VPS13B: variants seen among roughly 807,000 people sequenced by gnomAD.
VPS13B encodes vacuolar protein sorting 13 homolog B.
A neutral mutation model predicts 426.4 loss-of-function variants in VPS13B; 285 were observed. That is an observed-to-expected ratio of 0.67 (90% CI 0.61 to 0.74). VPS13B has a LOEUF of 0.74. VPS13B is among the 30% of genes least tolerant of loss of function. The probability of loss-of-function intolerance (pLI) is 0.00; values close to 1 mark genes in which losing one functional copy is unlikely to be tolerated. For synonymous variants in VPS13B, 1,676 were observed against 1,676.4 expected (o/e 1.00, Z 0.01); for missense variants, 4,537 against 4,782.6 (o/e 0.95, Z 1.51).
intron 39 of VPS13B, among the ~76,000 whole-genome samples, chr8:99,737,803 C>T (rs141370548): frequency 2.4e-4 from 36 of 152,314 alleles, no homozygotes; most frequent in African/African-American, 8.4e-4. Context: ...GCTAAAGCAG[C>T]TAAATCATAT....
chr8:99,075,183 C>T (rs570679298), intron 3 of VPS13B, among the ~76,000 whole-genome samples: 4 of 152,048 alleles, frequency 2.6e-5, no homozygotes, highest in East Asian at 1.9e-4. Context: ...ACTATTCTTG[C>T]GATGTTATAA....
chr8:99,208,565 T>C (rs780414119), intron 17 of VPS13B, among the ~76,000 whole-genome samples: 27 of 149,990 alleles, frequency 1.8e-4, no homozygotes, highest in South Asian at 2.1e-4. Flanking sequence ...AAATACTATG[T>C]TGATTTTACT....
intron 14 of VPS13B, among the ~76,000 whole-genome samples, chr8:99,155,210 A>T: frequency 6.6e-6 from 1 of 152,326 alleles, no homozygotes; most frequent in Non-Finnish European, 1.5e-5. Flanking sequence ...GAGATAAAGT[A>T]GATTTTAAGC....
intron 15 of VPS13B, among the ~76,000 whole-genome samples, chr8:99,158,840 G>A (rs1477300870): frequency 6.6e-6 from 1 of 152,152 alleles, no homozygotes; most frequent in Admixed American, 6.5e-5. Context: ...TTTCATGCCT[G>A]TTAACATGAC....
At chr8:99,313,924 G>A (rs1225192230) in intron 19 of VPS13B, among the ~76,000 whole-genome samples, 1 of 152,020 alleles carries the variant, frequency 6.6e-6, no homozygotes, top group African/African-American at 2.4e-5. Flanking sequence ...AGACTGCTGT[G>A]CTAGCAATGA....
At chr8:99,509,656 T>C (rs1407178440) in intron 28 of VPS13B, among the ~76,000 whole-genome samples, 1 of 152,098 alleles carries the variant, frequency 6.6e-6, no homozygotes, top group East Asian at 1.9e-4. Context: ...TTTCTGTTTA[T>C]GTGAATATAT....
intron 17 of VPS13B, among the ~76,000 whole-genome samples, chr8:99,236,001 G>A (rs963962431): frequency 6.6e-6 from 1 of 152,198 alleles, no homozygotes; most frequent in African/African-American, 2.4e-5. Flanking sequence ...ATCCGAATAA[G>A]TAATATAGGA....
chr8:99,198,684 G>T (rs755684508), intron 17 of VPS13B, among the ~76,000 whole-genome samples: 1 of 152,070 alleles, frequency 6.6e-6, no homozygotes, highest in African/African-American at 2.4e-5. Context: ...ATATTGAGGA[G>T]TTGAAGAAAT....
chr8:99,724,027 T>A (rs1833234472), intron 39 of VPS13B, among the ~76,000 whole-genome samples: 1 of 152,224 alleles, frequency 6.6e-6, no homozygotes, highest in Admixed American at 6.5e-5. Flanking sequence ...GAGCAGAGTT[T>A]GTCCCAGAGC....
At chr8:99,425,512 A>G (rs1198443371) in intron 21 of VPS13B, among the ~76,000 whole-genome samples, 1 of 152,208 alleles carries the variant, frequency 6.6e-6, no homozygotes, top group Non-Finnish European at 1.5e-5. Context: ...ACAAAATTCA[A>G]CAGCCCTTCA....
At chr8:99,259,269 G>A (rs1817920972) in intron 17 of VPS13B, among the ~76,000 whole-genome samples, 1 of 152,036 alleles carries the variant, frequency 6.6e-6, no homozygotes, top group Non-Finnish European at 1.5e-5. Context: ...TATCATGGAT[G>A]AAATCTTAGG....
intron 33 of VPS13B, among the ~76,000 whole-genome samples, chr8:99,624,007 ATT>A (rs1165382455): frequency 5.9e-5 from 6 of 101,102 alleles, no homozygotes; most frequent in Admixed American, 2.1e-4. Context: ...ATATATATAT[ATT>A]TTTTTTTTTT....
intron 39 of VPS13B, among the ~76,000 whole-genome samples, chr8:99,741,779 G>T (rs1452601853): frequency 6.6e-6 from 1 of 152,130 alleles, no homozygotes; most frequent in Non-Finnish European, 1.5e-5. Flanking sequence ...AAACCAATGA[G>T]AACAAAGACA....
At chr8:99,067,185 C>T (rs1844571179) in intron 3 of VPS13B, among the ~76,000 whole-genome samples, 1 of 152,132 alleles carries the variant, frequency 6.6e-6, no homozygotes, top group Non-Finnish European at 1.5e-5. Flanking sequence ...TATAAAGACA[C>T]ATGCACAGGT....
chr8:99,547,759 G>A lies in VPS13B; in HGVS notation c.4746-8691G>A, dbSNP rs187170508. 5.9e-5 allele frequency among the ~76,000 whole-genome samples: 9 copies of A among 152,124 alleles called. No homozygotes were observed. In the East Asian group the frequency reaches 1.5e-3, roughly 26 times the overall value. ...TCAAATGGTATGGGATAAGAGTTTCGGAAGGGCAAAGCAATTACAATTATA... is the reference window on the plus strand; with the variant it reads ...TCAAATGGTATGGGATAAGAGTTTCAGAAGGGCAAAGCAATTACAATTATA... On this transcript the variant is annotated intron_variant, in intron 30 of 61. Transcript: ENST00000357162.
chr8:99,633,201 G>T (rs532155570), intron 33 of VPS13B, among the ~76,000 whole-genome samples: 1 of 151,876 alleles, frequency 6.6e-6, no homozygotes, highest in Admixed American at 6.6e-5. Flanking sequence ...ATCAAATAAG[G>T]ATTTGTATGT....
chr8:99,288,822 C>T (rs1172563319), intron 19 of VPS13B, among the ~76,000 whole-genome samples: 1 of 152,008 alleles, frequency 6.6e-6, no homozygotes, highest in East Asian at 1.9e-4. Flanking sequence ...ATCCAGCATC[C>T]AGATATTCAC....
intron 44 of VPS13B, among the ~76,000 whole-genome samples, chr8:99,814,538 T>A (rs1813907413): frequency 6.6e-6 from 1 of 152,192 alleles, no homozygotes; most frequent in Non-Finnish European, 1.5e-5. Flanking sequence ...ACTGTCTCCC[T>A]TATTATCAAG....
intron 39 of VPS13B, among the ~76,000 whole-genome samples, chr8:99,722,508 CTTT>C (rs796198914): frequency 6.5e-5 from 9 of 138,944 alleles, no homozygotes; most frequent in Admixed American, 7.3e-5. Context: ...TATGTAATTC[CTTT>C]TTTTTTTTTT....
Sources: allele counts gnomAD v4.1 joint callset (sites outside exome capture counted in the v4.1 genomes callset), GRCh38; gene constraint gnomAD v4.1.1; transcripts MANE v1.5; gene names NCBI Gene and HGNC (gene_info 2026-07-23, HGNC 2026-07-21).